CDK17: variants seen among roughly 807,000 people sequenced by gnomAD.
CDK17 encodes the protein cyclin-dependent kinase 17.
Under a neutral mutation model 77.6 loss-of-function variants are expected in CDK17, and 24 were observed. The ratio of observed to expected loss-of-function variants is 0.31; its 90% CI spans 0.22 to 0.44. The LOEUF (loss-of-function observed/expected upper bound fraction) is 0.44, where lower values mean the gene tolerates loss of function less well. CDK17 is among the 20% of genes least tolerant of loss of function. CDK17 has a pLI of 1.00. For synonymous variants in CDK17, 203 were observed against 210.4 expected (o/e 0.96, Z 0.30); for missense variants, 429 against 622.5 (o/e 0.69, Z 3.31).
intron 1 of CDK17, among the ~76,000 whole-genome samples, chr12:96,385,698 A>C (rs568135882): frequency 1.3e-5 from 2 of 152,330 alleles, no homozygotes; most frequent in East Asian, 3.9e-4. Context: ...AGCCAAGATA[A>C]TATTTGAAAA....
intron 1 of CDK17, among the ~76,000 whole-genome samples, chr12:96,345,793 G>GA (rs955669904): frequency 6.7e-6 from 1 of 150,300 alleles, no homozygotes; most frequent in African/African-American, 2.4e-5. Context: ...TTACAGAAAA[G>GA]AAAAAAAACA....
chr12:96,308,868 C>T (rs995111619), intron 5 of CDK17, among the ~76,000 whole-genome samples: 2 of 151,724 alleles, frequency 1.3e-5, no homozygotes, highest in African/African-American at 4.8e-5. Flanking sequence ...GGTATTTTAT[C>T]CCTTCCTGGT....
At chr12:96,382,761 TATC>T (rs1333289265) in intron 1 of CDK17, among the ~76,000 whole-genome samples, 4 of 152,160 alleles carry the variant, frequency 2.6e-5, no homozygotes, top group Non-Finnish European at 5.9e-5. Context: ...ACAAAAAGCA[TATC>T]ATCTTCTCAA....
chr12:96,373,572 G>A (rs1418704845), intron 1 of CDK17, among the ~76,000 whole-genome samples: 1 of 151,908 alleles, frequency 6.6e-6, no homozygotes, highest in Non-Finnish European at 1.5e-5. Context: ...CCCAGCCTAG[G>A]TGACAAGAGC....
chr12:96,380,352 G>A (rs938290858), intron 1 of CDK17, among the ~76,000 whole-genome samples: 6 of 148,464 alleles, frequency 4.0e-5, no homozygotes, highest in African/African-American at 1.5e-4. Context: ...TGCGATCTCA[G>A]CTCACTGCAA....
chr12:96,327,105 G>T (rs1050112915), intron 2 of CDK17, among the ~76,000 whole-genome samples: 2 of 152,158 alleles, frequency 1.3e-5, no homozygotes, highest in African/African-American at 4.8e-5. Context: ...CAACACAGGT[G>T]AGGACATGAC....
intron 1 of CDK17, among the ~76,000 whole-genome samples, chr12:96,387,890 C>A (rs557676924): frequency 6.6e-6 from 1 of 152,218 alleles, no homozygotes; most frequent in African/African-American, 2.4e-5. Flanking sequence ...ATGCAACGAG[C>A]TGGGACTGCA....
At chr12:96,332,162 A>C (rs937039011) in intron 2 of CDK17, among the ~76,000 whole-genome samples, 6 of 152,220 alleles carry the variant, frequency 3.9e-5, no homozygotes, top group Admixed American at 1.3e-4. Context: ...ACAGGTTTGT[A>C]GCCTATAAGT....
rs1403560700 is a variant in CDK17, at chr12:96,400,227, CCCGCGCCGACGAG to C, written c.-284_-272del. ...GCCAAGTCCCTCGGTCAACATGGCT[CCCGCGCCGACGAG>C]CCGCGCGGACGGCCCACTAATCCCC... On this transcript the variant is annotated 5_prime_UTR_variant, in exon 1 of 17. Transcript: ENST00000261211. The C allele has an allele frequency of 2.5e-6, 1 of 394,224 alleles. No individual in the cohort carries two copies. The highest frequency in any genetic ancestry group is 4.4e-5 in the Admixed American group (1 of 22,554). The allele number at this position is 394,224 out of a possible 1,614,324, so 24.4% of individuals were successfully genotyped here.
At chr12:96,357,740 G>C (rs1953421421) in intron 1 of CDK17, among the ~76,000 whole-genome samples, 3 of 152,080 alleles carry the variant, frequency 2.0e-5, no homozygotes, top group Admixed American at 2.0e-4. Context: ...ATTTTATCTG[G>C]TGAAATGTTA....
chr12:96,286,940 A>G lies in CDK17; in HGVS notation c.1119-179T>C, dbSNP rs371601371. Among the ~76,000 whole-genome samples the G allele has an allele frequency of 1.5e-4, 23 of 152,284 alleles. No individual in the cohort carries two copies. The East Asian group carries it at 3.1e-3, about 20-fold the overall frequency. On this transcript the variant is annotated intron_variant, in intron 11 of 16. Coordinates refer to ENST00000261211, the MANE Select transcript of CDK17 (RefSeq NM_002595.5). ...ATTTACCCTATTTGTCTCAATTTCT[A>G]TATTGCTATATCCATTTTTCCCACT... is the stretch of plus-strand genomic sequence containing the variant.
chr12:96,338,029 T>G (rs1037327203), intron 1 of CDK17, among the ~76,000 whole-genome samples: 1 of 152,224 alleles, frequency 6.6e-6, no homozygotes. Flanking sequence ...GGTTAATGCT[T>G]GTTTTTGTAT....
At position 96,298,913 on chromosome 12, in the gene CDK17, C is replaced by T. The variant is rs936122698; in HGVS notation, c.671G>A (p.Arg224Gln). The T allele has an allele frequency of 1.8e-5, 29 of 1,610,576 alleles. No individual in the cohort carries two copies. The highest frequency in any genetic ancestry group is 2.4e-5 in the Non-Finnish European group (28 of 1,177,204). Residue 224 changes from arginine (R) to glutamine (Q), a missense_variant, in exon 7 of 17, where the codon CGA becomes CAA. This residue lies in a region of CDK17 where 262 missense variants were observed against 385.4 expected (regional missense o/e 0.68). Transcript: ENST00000261211. Reference protein sequence around the residue: ...TENLVALKEIRLEHEEGAPCT... With the variant: ...TENLVALKEIQLEHEEGAPCT... ...GGGTGCACCTTCTTCATGTTCCAAT[C>T]GGATCTCTTTTAATGCCACCAAATT...
chr12:96,385,883 A>C (rs910303970), intron 1 of CDK17, among the ~76,000 whole-genome samples: 2 of 152,206 alleles, frequency 1.3e-5, no homozygotes, highest in Non-Finnish European at 2.9e-5. Flanking sequence ...AAAGGAAAAA[A>C]CATAAAATAA....
At chr12:96,297,420 G>GT in intron 8 of CDK17, 88 bp from the exon 9 acceptor site, 3 of 915,696 alleles carry the variant, frequency 3.3e-6, no homozygotes, top group Non-Finnish European at 5.1e-6. Context: ...AAAATTAGTT[G>GT]TTTTTCAAGA....
At position 96,331,413 on chromosome 12, in the gene CDK17, G is replaced by A. The variant is rs117488459; in HGVS notation, c.118+3306C>T. On this transcript the variant is annotated intron_variant, in intron 2 of 16. Transcript: ENST00000261211. Reference sequence around the variant, plus strand: ...TTTTATTTCATATTTAGGGAAAGGTGTATTGAGTTAAGGCCAGAATCCTTA... The same window carrying A: ...TTTTATTTCATATTTAGGGAAAGGTATATTGAGTTAAGGCCAGAATCCTTA... Among the ~76,000 whole-genome samples, 293 of 151,642 alleles carry A rather than the reference G, an allele frequency of 1.9e-3. 2 individuals are homozygous for A. In the East Asian group the frequency reaches 0.047, roughly 24 times the overall value.
intron 1 of CDK17, among the ~76,000 whole-genome samples, chr12:96,362,402 A>G (rs186357041): frequency 1.3e-5 from 2 of 152,198 alleles, no homozygotes; most frequent in Admixed American, 6.5e-5. Flanking sequence ...TATTTTTAGT[A>G]GAGACGGAGT....
At chr12:96,294,972 C>T (rs887218382) in intron 10 of CDK17, 27 bp downstream of exon 10, 1 of 1,573,918 alleles carries the variant, frequency 6.4e-7, no homozygotes, top group African/African-American at 1.4e-5. Flanking sequence ...CCTGGAAGTA[C>T]TAATAAATAT....
chr12:96,351,933 A>C (rs1164067772), intron 1 of CDK17, among the ~76,000 whole-genome samples: 1 of 152,210 alleles, frequency 6.6e-6, no homozygotes, highest in Non-Finnish European at 1.5e-5. Flanking sequence ...AATGAGCCAG[A>C]CAAACTATAA....
Sources: allele counts gnomAD v4.1 joint callset (sites outside exome capture counted in the v4.1 genomes callset), GRCh38; gene constraint gnomAD v4.1.1; regional missense constraint gnomAD v4.1.1; transcripts MANE v1.5; gene names NCBI Gene and HGNC (gene_info 2026-07-23, HGNC 2026-07-21).